Variants in RPH3AL observed in about 807,000 individuals in gnomAD.
RPH3AL encodes the protein rab effector Noc2.
In RPH3AL, 38 loss-of-function variants were observed where a neutral mutation model predicts 43.1. The observed-to-expected ratio is 0.88, with a 90% CI of 0.68 to 1.15. The LOEUF (loss-of-function observed/expected upper bound fraction) is 1.15. Ranked by LOEUF, RPH3AL falls within the 50% of genes most tolerant of loss-of-function variation. RPH3AL has a pLI of 0.00. For synonymous variants in RPH3AL, 189 were observed against 176.3 expected (o/e 1.07, Z -0.57); for missense variants, 462 against 423.2 (o/e 1.09, Z -0.81).
intron 8 of RPH3AL, among the ~76,000 whole-genome samples, chr17:216,753 A>G (rs1373818737): frequency 6.6e-6 from 1 of 152,094 alleles, no homozygotes; most frequent in African/African-American, 2.4e-5. Flanking sequence ...CACCATCTCT[A>G]CCTGCTGATA....
At chr17:232,799 C>A (rs75224243) in intron 7 of RPH3AL, among the ~76,000 whole-genome samples, 2 of 151,332 alleles carry the variant, frequency 1.3e-5, no homozygotes, top group Non-Finnish European at 2.9e-5. Context: ...ACAACTCCCC[C>A]CTTCCTTGTC....
At position 348,168 on chromosome 17, in the gene RPH3AL, A is replaced by C. The variant is rs74941993; in HGVS notation, c.-213+4544T>G. Reference sequence around the variant, plus strand: ...AAGGGCTACTTACTGCAGGGTTCCAACTACATCTATGACATTCTGGAAAAG... The same window carrying C: ...AAGGGCTACTTACTGCAGGGTTCCACCTACATCTATGACATTCTGGAAAAG... On this transcript the variant is annotated intron_variant, in intron 1 of 9. Coordinates refer to ENST00000331302, the MANE Select transcript of RPH3AL (RefSeq NM_006987.4). 1.1e-4 allele frequency among the ~76,000 whole-genome samples: 17 copies of C among 152,140 alleles called. No individual in the cohort carries two copies. The East Asian group carries it at 3.1e-3, about 28-fold the overall frequency.
At chr17:272,352 A>C (rs1597984852) in intron 6 of RPH3AL, among the ~76,000 whole-genome samples, 1 of 151,994 alleles carries the variant, frequency 6.6e-6, no homozygotes, top group African/African-American at 2.4e-5. Flanking sequence ...CTTGGAACCA[A>C]CCCAAATGTC....
At chr17:253,248 GC>G (rs2041956204) in intron 6 of RPH3AL, among the ~76,000 whole-genome samples, 1 of 152,122 alleles carries the variant, frequency 6.6e-6, no homozygotes, top group Non-Finnish European at 1.5e-5. Flanking sequence ...CCCACCTCAC[GC>G]CCAGCCAGTC....
At chr17:240,233 A>G (rs12940641) in intron 7 of RPH3AL, among the ~76,000 whole-genome samples, 99,145 of 148,158 alleles carry the variant, frequency 0.67, 33,607 homozygotes, top group South Asian at 0.8. Context: ...GTGAAACTCC[A>G]TCTCAAAAAA....
intron 6 of RPH3AL, among the ~76,000 whole-genome samples, chr17:270,518 G>GCGGTCTTATC (rs371394855): frequency 5.2e-4 from 79 of 152,286 alleles, no homozygotes; most frequent in African/African-American, 1.9e-3. Flanking sequence ...CCAGTGGGCT[G>GCGGTCTTATC]CTGGTCACCT....
At chr17:272,957 TACGTCAGGGTGAGACCCCAGCAAGGGC>T (rs2042519689) in intron 6 of RPH3AL, among the ~76,000 whole-genome samples, 2 of 26,780 alleles carry the variant, frequency 7.5e-5, no homozygotes, top group East Asian at 1.6e-3. Context: ...CAGCAAGGGC[TACGTCAGGGTGAGACCCCAGCAAGGGC>T]TACGTCAGGG....
intron 6 of RPH3AL, among the ~76,000 whole-genome samples, chr17:265,904 G>A (rs1486808728): frequency 6.6e-6 from 1 of 152,190 alleles, no homozygotes; most frequent in Non-Finnish European, 1.5e-5. Flanking sequence ...GGAGGGTTCT[G>A]CTGACTTCCA....
chr17:255,384 C>T (rs1487660107), intron 6 of RPH3AL, among the ~76,000 whole-genome samples: 1 of 1,542 alleles, frequency 6.5e-4, no homozygotes. Context: ...TGAGGGGAGC[C>T]GCACGGCGTC....
intron 7 of RPH3AL, among the ~76,000 whole-genome samples, chr17:234,874 G>A (rs1475100098): frequency 1.3e-5 from 2 of 152,220 alleles, no homozygotes; most frequent in African/African-American, 2.4e-5. Flanking sequence ...GAAGGAAGGC[G>A]GCATAGCAGC....
intron 6 of RPH3AL, among the ~76,000 whole-genome samples, chr17:281,487 G>T (rs558457298): frequency 2.6e-5 from 4 of 151,828 alleles, no homozygotes; most frequent in Admixed American, 2.6e-4. Context: ...CAGTGCGAGG[G>T]GCTTCCCACC....
chr17:284,357 C>A (rs2042854812), intron 5 of RPH3AL, among the ~76,000 whole-genome samples: 1 of 152,206 alleles, frequency 6.6e-6, no homozygotes, highest in Non-Finnish European at 1.5e-5. Context: ...GAGGGTCGGT[C>A]ACACCCTCCC....
chr17:228,492 C>T (rs1418070685), intron 7 of RPH3AL, among the ~76,000 whole-genome samples: 1 of 152,158 alleles, frequency 6.6e-6, no homozygotes, highest in African/African-American at 2.4e-5. Context: ...TGTTACATTT[C>T]AGAGGCAGCT....
intron 5 of RPH3AL, among the ~76,000 whole-genome samples, chr17:291,613 G>C (rs146793937): frequency 6.6e-6 from 1 of 152,290 alleles, no homozygotes; most frequent in African/African-American, 2.4e-5. Flanking sequence ...GCCTCCACGT[G>C]TGTGTTTCAT....
intron 7 of RPH3AL, among the ~76,000 whole-genome samples, chr17:243,252 T>C (rs71369975): frequency 0.5 from 39,307 of 79,024 alleles, 10,783 homozygotes; most frequent in South Asian, 0.64. Context: ...TGATTACCTT[T>C]CTCTATTGAT....
At chr17:294,700 AG>A (rs2043130998) in intron 5 of RPH3AL, among the ~76,000 whole-genome samples, 1 of 61,722 alleles carries the variant, frequency 1.6e-5, no homozygotes, top group Non-Finnish European at 3.7e-5. Context: ...GGACGGGCAG[AG>A]GGAATGCACA....
chr17:248,360 T>C (rs1035140737), intron 6 of RPH3AL, among the ~76,000 whole-genome samples: 1 of 152,196 alleles, frequency 6.6e-6, no homozygotes, highest in African/African-American at 2.4e-5. Context: ...CTCAGTTCTA[T>C]CCTCCTTGCA....
intron 6 of RPH3AL, among the ~76,000 whole-genome samples, chr17:279,434 T>C (rs9789059): frequency 0.17 from 25,129 of 152,114 alleles, 2,853 homozygotes; most frequent in East Asian, 0.58. Flanking sequence ...AATAGCGTAA[T>C]GCACAGCCTC....
chr17:283,614 C>T lies in RPH3AL; in HGVS notation c.352-1760G>A, dbSNP rs571786374. On this transcript the variant is annotated intron_variant, in intron 5 of 9. Coordinates refer to ENST00000331302, the MANE Select transcript of RPH3AL (RefSeq NM_006987.4). This position sits in a 1 kb window ranked among gnomAD's most constrained non-coding sequence, Gnocchi z 4.2. ...TGCAGAGGGTCCCCTGAGCGCCGTC[C>T]ACACTCCTCACTGCTGGCCTTCTTG... Among the ~76,000 whole-genome samples the T allele has an allele frequency of 6.6e-6, 1 of 152,194 alleles. No homozygotes were observed. The highest frequency in any genetic ancestry group is 2.1e-4 in the South Asian group (1 of 4,822).
Sources: allele counts gnomAD v4.1 joint callset (sites outside exome capture counted in the v4.1 genomes callset), GRCh38; gene constraint gnomAD v4.1.1; non-coding constraint Gnocchi (gnomAD v3.1); transcripts MANE v1.5; gene names NCBI Gene and HGNC (gene_info 2026-07-23, HGNC 2026-07-21).